Variants in MYRIP observed in about 807,000 individuals in gnomAD.
MYRIP encodes myosin VIIA and Rab interacting protein.
A neutral mutation model predicts 98.0 loss-of-function variants in MYRIP; 49 were observed. The observed-to-expected ratio is 0.50, with a 90% CI of 0.40 to 0.63. MYRIP has a LOEUF of 0.63. Among genes scored for constraint, MYRIP ranks in the 30% least tolerant of loss-of-function variants. The pLI, the probability that MYRIP is intolerant of heterozygous loss-of-function variation, is 0.00. For synonymous variants in MYRIP, 404 were observed against 409.5 expected, an observed-to-expected ratio of 0.99 and a Z score of 0.16; for missense variants, 1,004 against 1,058.2, an observed-to-expected ratio of 0.95 and a Z score of 0.71.
chr3:39,822,215 A>G (rs890033564), intron 1 of MYRIP, among the ~76,000 whole-genome samples: 1 of 152,204 alleles, frequency 6.6e-6, no homozygotes, highest in Non-Finnish European at 1.5e-5. Flanking sequence ...TATTTATGGT[A>G]TGTAGTGATG....
chr3:40,164,385 G>C (rs190901391), intron 5 of MYRIP, among the ~76,000 whole-genome samples: 1 of 152,262 alleles, frequency 6.6e-6, no homozygotes, highest in Admixed American at 6.5e-5. Context: ...TACAGGGTAG[G>C]CCAGCAGGTT....
chr3:40,024,466 C>T (rs1307067876), intron 2 of MYRIP, among the ~76,000 whole-genome samples: 2 of 151,888 alleles, frequency 1.3e-5, no homozygotes, highest in Non-Finnish European at 2.9e-5. Context: ...ATGGGACAGT[C>T]AGCAACTTCA....
chr3:39,860,495 T>C (rs564192437), intron 1 of MYRIP, among the ~76,000 whole-genome samples: 1 of 152,266 alleles, frequency 6.6e-6, no homozygotes, highest in Non-Finnish European at 1.5e-5. Context: ...ATCTTGTTCA[T>C]GAGATGGGGC....
chr3:39,893,240 C>G (rs112986094), intron 1 of MYRIP, among the ~76,000 whole-genome samples: 1 of 152,088 alleles, frequency 6.6e-6, no homozygotes, highest in African/African-American at 2.4e-5. Context: ...TGCAATTATC[C>G]TGTGCTCATC....
chr3:40,091,579 G>A (rs950885419), intron 3 of MYRIP, among the ~76,000 whole-genome samples: 8 of 152,180 alleles, frequency 5.3e-5, no homozygotes, highest in Non-Finnish European at 8.8e-5. Flanking sequence ...ACCTCTTCCT[G>A]TTGTCTAATT....
At position 39,853,351 on chromosome 3, in the gene MYRIP, G is replaced by A. The variant is rs111514287; in HGVS notation, c.-31+43435G>A. On this transcript the variant is annotated intron_variant, in intron 1 of 16. Transcript: ENST00000302541. ...CTCCATGCTGTTTCCCATAGTGGCTGTTCTAGTTTAAATTCCCACCAGCAG... is the reference window on the plus strand; with the variant it reads ...CTCCATGCTGTTTCCCATAGTGGCTATTCTAGTTTAAATTCCCACCAGCAG... 5.6e-4 allele frequency among the ~76,000 whole-genome samples: 85 copies of A among 152,294 alleles called. 1 individual carries two copies. Among genetic ancestry groups the A allele is most frequent in the African/African-American group, 1.3e-3 (52 of 41,570 alleles).
intron 1 of MYRIP, among the ~76,000 whole-genome samples, chr3:39,896,526 C>T (rs1943614949): frequency 6.6e-6 from 1 of 152,206 alleles, no homozygotes; most frequent in African/African-American, 2.4e-5. Flanking sequence ...TTTTATCCCC[C>T]ATGCCTTAAA....
chr3:40,119,767 G>C (rs1242957943), intron 3 of MYRIP, among the ~76,000 whole-genome samples: 1 of 152,084 alleles, frequency 6.6e-6, no homozygotes, highest in Non-Finnish European at 1.5e-5. Context: ...GGACTGTTGT[G>C]GGGTGGGGGG....
At chr3:40,185,309 C>G (rs1055940153) in intron 9 of MYRIP, among the ~76,000 whole-genome samples, 1 of 152,146 alleles carries the variant, frequency 6.6e-6, no homozygotes, top group African/African-American at 2.4e-5. Context: ...AATGCATTTT[C>G]ACTTTATAAA....
intron 2 of MYRIP, among the ~76,000 whole-genome samples, chr3:39,935,266 A>C (rs915778842): frequency 3.9e-5 from 6 of 152,182 alleles, no homozygotes; most frequent in African/African-American, 1.4e-4. Context: ...GGGTGTGTTC[A>C]GGTGGGGAGG....
intron 11 of MYRIP, among the ~76,000 whole-genome samples, chr3:40,213,615 C>CACACACAG: frequency 6.6e-6 from 1 of 150,748 alleles, no homozygotes; most frequent in Non-Finnish European, 1.5e-5. Context: ...GAGCAACACA[C>CACACACAG]ACACACACAC....
intron 3 of MYRIP, among the ~76,000 whole-genome samples, chr3:40,091,092 G>A (rs562114456): frequency 1.3e-5 from 2 of 152,316 alleles, no homozygotes; most frequent in South Asian, 4.1e-4. Context: ...CCAGCCTAAG[G>A]CCCCTTCTGT....
chr3:39,977,214 A>T, intron 2 of MYRIP, among the ~76,000 whole-genome samples: 1 of 152,054 alleles, frequency 6.6e-6, no homozygotes, highest in Non-Finnish European at 1.5e-5. Context: ...AACACTATAG[A>T]CGTGAGAGAG....
At position 39,911,500 on chromosome 3, in the gene MYRIP, G is replaced by A. The variant is rs545716897; in HGVS notation, c.110+10574G>A. Among the ~76,000 whole-genome samples the A allele has an allele frequency of 1.2e-3, 177 of 152,284 alleles. 2 individuals carry two copies. In the South Asian group the frequency reaches 0.035, roughly 30 times the overall value. On this transcript the variant is annotated intron_variant, in intron 2 of 16. Transcript: ENST00000302541. Reference sequence around the variant, plus strand: ...GCCAGAGACTCAGCTTCTGGGCCCTGATAAAGCTTTTGTGGCCTTAATTCT... The same window carrying A: ...GCCAGAGACTCAGCTTCTGGGCCCTAATAAAGCTTTTGTGGCCTTAATTCT...
intron 1 of MYRIP, among the ~76,000 whole-genome samples, chr3:39,871,215 T>A (rs1942779765): frequency 6.6e-6 from 1 of 152,206 alleles, no homozygotes; most frequent in South Asian, 2.1e-4. Flanking sequence ...TAGAACACAG[T>A]GCTTGAATAT....
intron 11 of MYRIP, among the ~76,000 whole-genome samples, chr3:40,224,487 C>T (rs1266596199): frequency 6.6e-6 from 1 of 151,710 alleles, no homozygotes; most frequent in African/African-American, 2.4e-5. Context: ...GCCTGCTTTA[C>T]ACCTGCCAGA....
rs917575745 is a variant in MYRIP at position 40,122,243 on chromosome 3, AG to A, written c.333-28804del. Among the ~76,000 whole-genome samples the A allele has an allele frequency of 3.3e-4, 50 of 151,932 alleles. 1 individual carries two copies. In the East Asian group the frequency reaches 3.9e-3, roughly 12 times the overall value. On this transcript the variant is annotated intron_variant, in intron 3 of 16. Coordinates refer to ENST00000302541, the MANE Select transcript of MYRIP (RefSeq NM_015460.4). ...TTCTGAATTTGAAAGTAAATGAAAA[AG>A]AAATTGGACATGTATGAATTATTGC... is the stretch of plus-strand genomic sequence containing the variant.
At chr3:40,071,824 G>A (rs1948237649) in intron 3 of MYRIP, among the ~76,000 whole-genome samples, 1 of 152,170 alleles carries the variant, frequency 6.6e-6, no homozygotes, top group Admixed American at 6.5e-5. Flanking sequence ...TCATGTATTG[G>A]TTATTTGCTT....
Position 40,084,836 on chromosome 3 carries a change from A to G in MYRIP, c.332+40565A>G, listed in dbSNP as rs368485508. Among the ~76,000 whole-genome samples the G allele has an allele frequency of 1.3e-4, 3 of 22,502 alleles. 1 individual carries two copies. Among genetic ancestry groups the G allele is most frequent in the East Asian group, 1.6e-3 (1 of 614 alleles). The allele number at this position is 22,502 out of a possible 152,430, so 14.8% of individuals were successfully genotyped here. Reference sequence around the variant, plus strand: ...TGTGTTACATGTCGATAGATAATATATATCTATGTGTTACATGTCGATAGA... The same window carrying G: ...TGTGTTACATGTCGATAGATAATATGTATCTATGTGTTACATGTCGATAGA... On this transcript the variant is annotated intron_variant, in intron 3 of 16. Transcript: ENST00000302541.
Sources: gnomAD v4.1 joint callset for allele counts (sites outside exome capture counted in the v4.1 genomes callset) on GRCh38, gnomAD v4.1.1 for gene constraint, MANE v1.5 for transcripts, NCBI Gene and HGNC (gene_info 2026-07-23, HGNC 2026-07-21) for gene names.